STARD4: variants seen among roughly 807,000 people sequenced by gnomAD.
STARD4 encodes the protein stAR-related lipid transfer protein 4.
STARD4 carries 33 observed loss-of-function variants against 24.9 expected under a neutral mutation model. The observed-to-expected ratio is 1.32, with a 90% CI of 1.00 to 1.77. The LOEUF is 1.77. Among genes scored for constraint, STARD4 ranks in the 40% most tolerant of loss-of-function variants. The pLI is 0.00. For missense variants in STARD4, 238 were observed against 249.3 expected (o/e 0.95, Z 0.31); for synonymous variants, 88 against 77.4 (o/e 1.14, Z -0.72).
At chr5:111,509,407 A>C (rs1757086883) in intron 1 of STARD4, among the ~76,000 whole-genome samples, 1 of 152,144 alleles carries the variant, frequency 6.6e-6, no homozygotes, top group Admixed American at 6.5e-5. Flanking sequence ...CCTAGAAGAG[A>C]TGAGAATCTG....
chr5:111,496,254 G>A lies in STARD4; in HGVS notation c.*3632C>T, dbSNP rs1023524054. The stretch of plus-strand genomic sequence containing the variant: ...ATATTTAACTATACATGTAAAATCC[G>A]TAAAAACAATACAATAATTTAAAAA... On this transcript the variant is annotated 3_prime_UTR_variant, in exon 6 of 6. Transcript: ENST00000296632. The A allele has an allele frequency of 5.3e-5, 8 of 151,990 alleles. No individual in the cohort carries two copies. The highest frequency in any genetic ancestry group is 8.8e-5 in the Non-Finnish European group (6 of 67,926). The allele number at this position is 151,990 out of a possible 1,614,324, so 9.4% of individuals were successfully genotyped here.
At chr5:111,510,332 C>T (rs1284150832) in intron 1 of STARD4, among the ~76,000 whole-genome samples, 1 of 152,172 alleles carries the variant, frequency 6.6e-6, no homozygotes, top group East Asian at 1.9e-4. Context: ...TAACAGGGTA[C>T]TGACATTAAT....
chr5:111,509,432 T>A (rs1456070232), intron 1 of STARD4, among the ~76,000 whole-genome samples: 2 of 152,126 alleles, frequency 1.3e-5, no homozygotes, highest in Non-Finnish European at 2.9e-5. Flanking sequence ...TTTAAGGTAC[T>A]TGACTTAGTA....
At chr5:111,508,846 G>A (rs548932941) in intron 1 of STARD4, among the ~76,000 whole-genome samples, 11 of 152,166 alleles carry the variant, frequency 7.2e-5, no homozygotes, top group Admixed American at 2.0e-4. Flanking sequence ...AAATTAAAGT[G>A]ACAGAAATAA....
chr5:111,496,940 T>A lies in STARD4; in HGVS notation c.*2946A>T, dbSNP rs1370649581. On this transcript the variant is annotated 3_prime_UTR_variant, in exon 6 of 6. Transcript: ENST00000296632. ...TACAGAATACTAGATTCTCATTATT[T>A]TTTTTTGAGTACTGTTTTAAACTTT... The A allele has an allele frequency of 6.6e-6, 1 of 152,116 alleles. No individual in the cohort carries two copies. The highest frequency in any genetic ancestry group is 1.5e-5 in the Non-Finnish European group (1 of 67,964). 9.4% of individuals were successfully genotyped at this position (152,116 alleles called of 1,614,324 possible).
In STARD4 at chr5:111,512,506, CT is replaced by C. The variant is rs1448228832; in HGVS notation, c.-132del. 6.5e-6 allele frequency: 1 copy of C among 152,758 alleles called. No individual in the cohort carries two copies. Among genetic ancestry groups the C allele is most frequent in the Non-Finnish European group, 1.5e-5 (1 of 68,480 alleles). The allele number at this position is 152,758 out of a possible 1,614,324, so 9.5% of individuals were successfully genotyped here. A position where few individuals can be genotyped will look rare whatever the true frequency, so the allele number is the denominator to read the frequency against. ...CCGATGCGCAGGCGACAGCAGCCAA[CT>C]TGTAAGTCACCGCTGGTCGCAGCCA... On this transcript the variant is annotated 5_prime_UTR_variant, in exon 1 of 6. Coordinates refer to ENST00000296632, the MANE Select transcript of STARD4 (RefSeq NM_139164.3).
chr5:111,496,135 A>G lies in STARD4; in HGVS notation c.*3751T>C, dbSNP rs895018342. 2 of 152,028 alleles carry G rather than the reference A, an allele frequency of 1.3e-5. No homozygotes were observed. Among genetic ancestry groups the G allele is most frequent in the African/African-American group, 4.8e-5 (2 of 41,452 alleles). 9.4% of individuals were successfully genotyped at this position (152,028 alleles called of 1,614,324 possible). On this transcript the variant is annotated 3_prime_UTR_variant, in exon 6 of 6. Transcript: ENST00000296632. ...ATATTATTAGTTTAATAAATATTCTAGTTTTACATATTGGTTCACAAAAGA... is the reference window on the plus strand; with the variant it reads ...ATATTATTAGTTTAATAAATATTCTGGTTTTACATATTGGTTCACAAAAGA...
In STARD4 at chr5:111,507,142, A is replaced by T. The variant is rs1348697728; in HGVS notation, c.105+187T>A. On this transcript the variant is annotated intron_variant, in intron 2 of 5. Transcript: ENST00000296632. This position sits in a 1 kb window ranked among gnomAD's most constrained non-coding sequence, Gnocchi z 4.4. ...AAAGAGCTAATGAAAGCAGTATAGG[A>T]TTACCACTGATGCATTTCTTCCTCT... Among the ~76,000 whole-genome samples, 1 of 152,186 alleles carries T rather than the reference A, an allele frequency of 6.6e-6. No homozygotes were observed. The highest frequency in any genetic ancestry group is 1.5e-5 in the Non-Finnish European group (1 of 68,030).
chr5:111,497,317 G>C lies in STARD4; in HGVS notation c.*2569C>G, dbSNP rs1332217019. 1 of 151,910 alleles carries C rather than the reference G, an allele frequency of 6.6e-6. No homozygotes were observed. Among genetic ancestry groups the C allele is most frequent in the Non-Finnish European group, 1.5e-5 (1 of 67,898 alleles). The allele number at this position is 151,910 out of a possible 1,614,324, so 9.4% of individuals were successfully genotyped here. Reference sequence around the variant, plus strand: ...ATGTCCTATTTATCAAGCAATGAAGGCTCTAGAGACTAACAAAGATTTCCA... The same window carrying C: ...ATGTCCTATTTATCAAGCAATGAAGCCTCTAGAGACTAACAAAGATTTCCA... On this transcript the variant is annotated 3_prime_UTR_variant, in exon 6 of 6. Transcript: ENST00000296632.
intron 3 of STARD4, among the ~76,000 whole-genome samples, chr5:111,503,871 G>T (rs1436967515): frequency 1.3e-5 from 2 of 151,926 alleles, no homozygotes; most frequent in African/African-American, 4.8e-5. Flanking sequence ...TATAAACAGA[G>T]AATTATTATA....
chr5:111,504,356 T>G (rs913743621), intron 3 of STARD4, among the ~76,000 whole-genome samples: 1 of 152,148 alleles, frequency 6.6e-6, no homozygotes, highest in Non-Finnish European at 1.5e-5. Context: ...TATGACAACA[T>G]GGCTAAATCC....
At position 111,506,396 on chromosome 5, in the gene STARD4, A is replaced by C. The variant is rs1000872074; in HGVS notation, c.106-17T>G. The stretch of plus-strand genomic sequence containing the variant: ...TACATCTTTCTAGAAAAATAAAAAC[A>C]TTATATGGTAATAATTGCATAGGTG... On this transcript the variant is annotated splice_polypyrimidine_tract_variant and intron_variant, in intron 2 of 5. Coordinates refer to ENST00000296632, the MANE Select transcript of STARD4 (RefSeq NM_139164.3). 8.3e-6 allele frequency: 11 copies of C among 1,324,882 alleles called. No homozygotes were observed. Among genetic ancestry groups the C allele is most frequent in the Admixed American group, 5.9e-5 (3 of 50,622 alleles). The allele number at this position is 1,324,882 out of a possible 1,614,324, so 82.1% of individuals were successfully genotyped here.
Position 111,502,004 on chromosome 5 carries a change from G to T in STARD4, c.240C>A (p.Asp80Glu). ...IRPGPCRLDW[D>E]SLMTSLDILE... ...GAATATCCAAAGAAGTCATCAAGCT[G>T]TCCCAATCCAAACGACAAGGCCCTG... Residue 80 changes from aspartate to glutamate, a missense_variant, in exon 4 of 6, where the codon GAC becomes GAA. Transcript: ENST00000296632. 6.2e-7 allele frequency: 1 copy of T among 1,614,116 alleles called. No homozygotes were observed. Among genetic ancestry groups the T allele is most frequent in the Non-Finnish European group, 8.5e-7 (1 of 1,180,018 alleles).
intron 3 of STARD4, among the ~76,000 whole-genome samples, chr5:111,505,479 T>C (rs1756785563): frequency 6.6e-6 from 1 of 152,244 alleles, no homozygotes; most frequent in Non-Finnish European, 1.5e-5. Flanking sequence ...TGCAAGGCAG[T>C]TGTCTCTACA....
chr5:111,500,149 T>C, intron 5 of STARD4, 43 bp from the exon 6 acceptor site: 6 of 1,510,228 alleles, frequency 4.0e-6, no homozygotes, highest in Non-Finnish European at 5.3e-6. Flanking sequence ...TAGCAATAAC[T>C]GACATAAAAC....
At chr5:111,510,833 T>C (rs1757212103) in intron 1 of STARD4, among the ~76,000 whole-genome samples, 1 of 152,188 alleles carries the variant, frequency 6.6e-6, no homozygotes, top group African/African-American at 2.4e-5. Context: ...CTATTTTAAA[T>C]ATGGAACATA....
In STARD4 at chr5:111,497,263, T is replaced by C. The variant is rs1277270203; in HGVS notation, c.*2623A>G. 6.6e-6 allele frequency: 1 copy of C among 152,078 alleles called. No homozygotes were observed. The highest frequency in any genetic ancestry group is 1.5e-5 in the Non-Finnish European group (1 of 67,950). 9.4% of individuals were successfully genotyped at this position (152,078 alleles called of 1,614,324 possible). ...ATTTGCTGGCAATAATTTTATCTCA[T>C]TGACAACTGATTTATATCTAAAGTT... On this transcript the variant is annotated 3_prime_UTR_variant, in exon 6 of 6. Transcript: ENST00000296632.
In STARD4 at chr5:111,506,390, A is replaced by T; in HGVS notation, c.106-11T>A. ...AACAGTTACATCTTTCTAGAAAAAT[A>T]AAAACATTATATGGTAATAATTGCA... On this transcript the variant is annotated splice_polypyrimidine_tract_variant and intron_variant, in intron 2 of 5. Transcript: ENST00000296632. The T allele has an allele frequency of 7.2e-7, 1 of 1,388,058 alleles. No homozygotes were observed. The allele number at this position is 1,388,058 out of a possible 1,614,324, so 86.0% of individuals were successfully genotyped here. A position where few individuals can be genotyped will look rare whatever the true frequency, so the allele number is the denominator to read the frequency against.
rs556232572 is a variant in STARD4 at position 111,502,302 on chromosome 5, C to G, written c.156-214G>C. On this transcript the variant is annotated intron_variant, in intron 3 of 5. Coordinates refer to ENST00000296632, the MANE Select transcript of STARD4 (RefSeq NM_139164.3). ...TGGCCAACGTGGCAAAAACCTGTCT[C>G]TACTAAAATTACAAAAATTAGCCAG... Among the ~76,000 whole-genome samples the G allele has an allele frequency of 4.6e-5, 7 of 151,768 alleles. No homozygotes were observed. In the East Asian group the frequency reaches 1.4e-3, roughly 30 times the overall value.
Sources: allele counts gnomAD v4.1 joint callset (sites outside exome capture counted in the v4.1 genomes callset), GRCh38; gene constraint gnomAD v4.1.1; non-coding constraint Gnocchi (gnomAD v3.1); transcripts MANE v1.5; gene names NCBI Gene and HGNC (gene_info 2026-07-23, HGNC 2026-07-21).